The following STX17 variants were observed in gnomAD, a reference collection of about 807,000 sequenced individuals.
STX17 encodes the protein syntaxin-17.
Under a neutral mutation model 35.9 loss-of-function variants are expected in STX17, and 29 were observed. That is an observed-to-expected ratio of 0.81 (90% CI 0.60 to 1.10). The LOEUF (loss-of-function observed/expected upper bound fraction) is 1.10. Ranked by LOEUF, STX17 falls within the 50% of genes least tolerant of loss-of-function variation. STX17 has a pLI of 0.00. For missense variants in STX17, 312 were observed against 352.3 expected, an observed-to-expected ratio of 0.89 and a Z score of 0.92; for synonymous variants, 92 against 118.3, an observed-to-expected ratio of 0.78 and a Z score of 1.44.
rs1293066281 is a variant in STX17 at position 99,960,007 on chromosome 9, C to G, written c.506C>G (p.Ala169Gly). 6.2e-7 allele frequency: 1 copy of G among 1,613,976 alleles called. No homozygotes were observed. ...GAAATTCCTCAAGATCAAAATGCTG[C>G]AGAATCGTGGGAAACCTTAGAAGCG... ...LPEIPQDQNAAESWETLEADL... is the reference protein window; with the variant it reads ...LPEIPQDQNAGESWETLEADL... The change falls in exon 5 of 8, where the codon GCA becomes GGA. Residue 169 changes from alanine to glycine, a missense_variant. By Grantham distance (60) the Ala-to-Gly change is moderately conservative. Transcript: ENST00000259400.
At chr9:99,929,161 G>A (rs941640381) in intron 3 of STX17, 6 of 192,394 alleles carry the variant, frequency 3.1e-5, no homozygotes, top group East Asian at 1.2e-4. Flanking sequence ...GTGCCACTTC[G>A]TTGTTCTAAT....
chr9:99,967,974 G>C (rs1340897413), intron 7 of STX17, among the ~76,000 whole-genome samples: 1 of 152,194 alleles, frequency 6.6e-6, no homozygotes, highest in African/African-American at 2.4e-5. Context: ...CTGCTGTAAG[G>C]CATTTGGTGT....
chr9:99,924,973 A>G (rs1828959787), intron 2 of STX17, among the ~76,000 whole-genome samples: 1 of 152,214 alleles, frequency 6.6e-6, no homozygotes, highest in Admixed American at 6.5e-5. Context: ...GAGAGTTTTT[A>G]TAATGAATAA....
intron 4 of STX17, among the ~76,000 whole-genome samples, chr9:99,956,967 A>C (rs556873328): frequency 6.6e-6 from 1 of 152,334 alleles, no homozygotes; most frequent in Admixed American, 6.5e-5. Context: ...GCCACATGTC[A>C]TCATGGCATT....
intron 7 of STX17, among the ~76,000 whole-genome samples, chr9:99,968,172 G>C (rs1829954114): frequency 6.6e-6 from 1 of 152,210 alleles, no homozygotes; most frequent in African/African-American, 2.4e-5. Context: ...CAGCTAGATA[G>C]TTAGTGAATT....
intron 6 of STX17, 58 bp downstream of exon 6, chr9:99,960,213 TA>T: frequency 2.0e-6 from 3 of 1,492,252 alleles, no homozygotes; most frequent in Non-Finnish European, 2.8e-6. Context: ...GAGAAGCTTT[TA>T]TAATCACTAG....
intron 3 of STX17, among the ~76,000 whole-genome samples, chr9:99,931,084 G>A (rs1367394582): frequency 2.6e-5 from 4 of 152,022 alleles, no homozygotes; most frequent in Non-Finnish European, 5.9e-5. Context: ...GGTTTCAAGC[G>A]ATTCTCCTGC....
Position 99,938,523 on chromosome 9 carries a change from G to A in STX17, c.189+9680G>A, listed in dbSNP as rs143128655. 3.4e-3 allele frequency among the ~76,000 whole-genome samples: 512 copies of A among 152,262 alleles called. 4 individuals carry two copies. Among genetic ancestry groups the A allele is most frequent in the African/African-American group, 0.012 (501 of 41,540 alleles). On this transcript the variant is annotated intron_variant, in intron 3 of 7. Coordinates refer to ENST00000259400, the MANE Select transcript of STX17 (RefSeq NM_017919.3). The stretch of plus-strand genomic sequence containing the variant: ...ATAAAGGCCAGGCGCAGTGGCTCAC[G>A]CCTATAATGCTAACATTTTGGGAGG...
intron 1 of STX17, among the ~76,000 whole-genome samples, chr9:99,907,732 A>G (rs867623369): frequency 8.1e-4 from 124 of 152,354 alleles, no homozygotes; most frequent in African/African-American, 2.7e-3. Flanking sequence ...TATTGCCTCC[A>G]TTAATAATTT....
chr9:99,912,240 A>G (rs1341783289), intron 1 of STX17, among the ~76,000 whole-genome samples: 1 of 152,082 alleles, frequency 6.6e-6, no homozygotes, highest in Non-Finnish European at 1.5e-5. Flanking sequence ...AGAAAAAAAA[A>G]AAAAGAGGCC....
chr9:99,961,951 C>T (rs935449705), intron 6 of STX17, among the ~76,000 whole-genome samples: 1 of 152,102 alleles, frequency 6.6e-6, no homozygotes, highest in Non-Finnish European at 1.5e-5. Context: ...ATAATAACTT[C>T]TTTTTGGCAT....
intron 3 of STX17, chr9:99,937,843 A>C (rs921070899): frequency 6.6e-6 from 1 of 152,104 alleles, no homozygotes; most frequent in Non-Finnish European, 1.5e-5. Flanking sequence ...TATACATCTT[A>C]TGTTTATATA....
intron 4 of STX17, among the ~76,000 whole-genome samples, chr9:99,959,313 C>G (rs957440702): frequency 1.3e-5 from 2 of 151,228 alleles, no homozygotes; most frequent in African/African-American, 4.9e-5. Flanking sequence ...GAAGCTGAGG[C>G]AGGAGGATCA....
Position 99,915,733 on chromosome 9 carries a change from T to C in STX17, c.123+371T>C, listed in dbSNP as rs570412252. Among the ~76,000 whole-genome samples the C allele has an allele frequency of 4.6e-5, 7 of 152,172 alleles. No homozygotes were observed. In the East Asian group the frequency reaches 1.2e-3, roughly 25 times the overall value. On this transcript the variant is annotated intron_variant, in intron 2 of 7. Transcript: ENST00000259400. Reference sequence around the variant, plus strand: ...ACTATCCGTGGCTAACTTATTTTTATTTTTTTGGAGAAACAAGTTCTTGCT... The same window carrying C: ...ACTATCCGTGGCTAACTTATTTTTACTTTTTTGGAGAAACAAGTTCTTGCT...
rs1829995059 is a variant in STX17, at chr9:99,970,154, T to C, written c.*1481T>C. 1 of 152,124 alleles carries C rather than the reference T, an allele frequency of 6.6e-6. No individual in the cohort carries two copies. The highest frequency in any genetic ancestry group is 2.4e-5 in the African/African-American group (1 of 41,398). 9.4% of individuals were successfully genotyped at this position (152,124 alleles called of 1,614,324 possible). On this transcript the variant is annotated 3_prime_UTR_variant, in exon 8 of 8. Coordinates refer to ENST00000259400, the MANE Select transcript of STX17 (RefSeq NM_017919.3). Reference sequence around the variant, plus strand: ...GCTGTCTCTCTGCCAGGAGCTAAGGTTCATTAGGGGATTGGATGGTTTATC... The same window carrying C: ...GCTGTCTCTCTGCCAGGAGCTAAGGCTCATTAGGGGATTGGATGGTTTATC...
At chr9:99,951,308 A>T in intron 4 of STX17, 23 bp downstream of exon 4, 1 of 1,606,246 alleles carries the variant, frequency 6.2e-7, no homozygotes, top group Non-Finnish European at 8.5e-7. Flanking sequence ...GCTAAGTCTT[A>T]TTCTCAGTCA....
rs959940794 is a variant in STX17 at position 99,968,356 on chromosome 9, A to G, written c.670-78A>G. 4 of 1,487,754 alleles carry G rather than the reference A, an allele frequency of 2.7e-6. No homozygotes were observed. In the African/African-American group the frequency reaches 4.2e-5, roughly 16 times the overall value. The allele number at this position is 1,487,754 out of a possible 1,614,324, so 92.2% of individuals were successfully genotyped here. A position where few individuals can be genotyped will look rare whatever the true frequency, so the allele number is the denominator to read the frequency against. On this transcript the variant is annotated intron_variant, in intron 7 of 7. Transcript: ENST00000259400. ...GAGTTAAAGAGGCATTGCCAGGAGT[A>G]ATGAGAGGAAAACGCACATCACCAC... is the stretch of plus-strand genomic sequence containing the variant.
At chr9:99,960,253 A>G (rs570820110) in intron 6 of STX17, 98 bp downstream of exon 6, 2 of 1,254,294 alleles carry the variant, frequency 1.6e-6, no homozygotes, top group Non-Finnish European at 2.3e-6. Context: ...AATAGAACTT[A>G]TAATTTTTAA....
At chr9:99,915,960 G>A in intron 2 of STX17, 1 of 445,750 alleles carries the variant, frequency 2.2e-6, no homozygotes, top group Non-Finnish European at 4.5e-6. Flanking sequence ...AGAGAACTTT[G>A]GCTAATGTAC....
Sources: gnomAD v4.1 joint callset for allele counts (sites outside exome capture counted in the v4.1 genomes callset) on GRCh38, gnomAD v4.1.1 for gene constraint, MANE v1.5 for transcripts, NCBI Gene and HGNC (gene_info 2026-07-23, HGNC 2026-07-21) for gene names.